The following TSC2 variants were observed in gnomAD, a reference collection of about 807,000 sequenced individuals.
TSC2 encodes tuberin.
Under a neutral mutation model 202.2 loss-of-function variants are expected in TSC2, and 29 were observed. That is an observed-to-expected ratio of 0.14 (90% CI 0.11 to 0.20). TSC2 has a LOEUF of 0.20. Among genes scored for constraint, TSC2 ranks in the 10% least tolerant of loss-of-function variants. TSC2 has a pLI of 1.00. For missense variants in TSC2, 2,429 were observed against 2,420.0 expected (o/e 1.00, Z -0.08); for synonymous variants, 1,349 against 1,044.0 (o/e 1.29, Z -5.63).
At chr16:2,065,998 G>C (rs1596319220) in intron 16 of TSC2, among the ~76,000 whole-genome samples, 1 of 152,180 alleles carries the variant, frequency 6.6e-6, no homozygotes, top group African/African-American at 2.4e-5. Context: ...GTTTTGTTGA[G>C]ATTTAATTTA....
In TSC2 at chr16:2,074,216, G is replaced by T. The variant is rs758961134; in HGVS notation, c.2372G>T (p.Cys791Phe). Residue 791 changes from cysteine (C) to phenylalanine (F), a missense_variant, in exon 22 of 42, where the codon TGC becomes TTC. Cys to Phe is a radical substitution (Grantham distance 205). Coordinates refer to ENST00000219476, the MANE Select transcript of TSC2 (RefSeq NM_000548.5). The stretch of plus-strand genomic sequence containing the variant: ...CTCCTGCAGCGCGAGATGGTCTACT[G>T]CCTGGAGCAGGGCCTCATCCACCGC... ...DKTKQREMVY[C>F]LEQGLIHRCA... The T allele has an allele frequency of 1.2e-6, 2 of 1,611,610 alleles. No individual in the cohort carries two copies. Among genetic ancestry groups the T allele is most frequent in the African/African-American group, 1.3e-5 (1 of 74,902 alleles).
chr16:2,058,139 CCCTCCCT>C (rs1280764365), intron 9 of TSC2, among the ~76,000 whole-genome samples: 1 of 149,902 alleles, frequency 6.7e-6, no homozygotes, highest in Non-Finnish European at 1.5e-5. Flanking sequence ...CTGCATCTCT[CCCTCCCT>C]CCTCCCGTAG....
intron 22 of TSC2, 72 bp downstream of exon 22, chr16:2,074,461 G>C (rs2151358952): frequency 6.3e-7 from 1 of 1,575,734 alleles, no homozygotes; most frequent in East Asian, 2.3e-5. Context: ...CTTCTCTGGT[G>C]CCCTCTCTCA....
rs2151281861 is a variant in TSC2 at position 2,070,564 on chromosome 16, A to G, written c.1825A>G (p.Ser609Gly). Residue 609 changes from serine (S) to glycine (G), a missense_variant, in exon 17 of 42, where the codon AGC (serine) becomes GGC (glycine). Coordinates refer to ENST00000219476, the MANE Select transcript of TSC2 (RefSeq NM_000548.5). ...CAGCTACACCCTGCCAATCGCGAGC[A>G]GCATCCGGCTGCAGGTATGGTGGCT... ...KHSYTLPIAS[S>G]IRLQAFDFLL... The G allele has an allele frequency of 6.2e-7, 1 of 1,613,166 alleles. No individual in the cohort carries two copies. Among genetic ancestry groups the G allele is most frequent in the East Asian group, 2.2e-5 (1 of 44,884 alleles).
intron 25 of TSC2, 66 bp from the exon 26 acceptor site, chr16:2,077,532 G>A: frequency 6.2e-7 from 1 of 1,609,102 alleles, no homozygotes; most frequent in South Asian, 1.1e-5. Flanking sequence ...CCCCTCCACT[G>A]GCTTGTTCTC....
rs771537061 is a variant in TSC2, at chr16:2,056,626, C to T, written c.649-18C>T. 24 of 1,607,466 alleles carry T rather than the reference C, an allele frequency of 1.5e-5. No individual in the cohort carries two copies. The Middle Eastern group carries it at 1.4e-3, about 92-fold the overall frequency. ...GAGCTGGGGTAGGACGGGCGTGAGC[C>T]GTCTCCCTCTCCACCAGGTCTCCCT... On this transcript the variant is annotated intron_variant, in intron 7 of 41. Transcript: ENST00000219476.
At position 2,055,901 on chromosome 16, in the gene TSC2, A is replaced by AT. The variant is rs993998151; in HGVS notation, c.600-295_600-294insT. ...GCAAAACTCCATCTCAAAAAAAAAA[A>AT]AAAAAAAAGAGAAGTACGTAGCTAT... is the stretch of plus-strand genomic sequence containing the variant. On this transcript the variant is annotated intron_variant, in intron 6 of 41. Coordinates refer to ENST00000219476, the MANE Select transcript of TSC2 (RefSeq NM_000548.5). 69 of 515,188 alleles carry AT rather than the reference A, an allele frequency of 1.3e-4. 2 individuals carry two copies. The highest frequency in any genetic ancestry group is 2.0e-4 in the Non-Finnish European group (58 of 285,660). The allele number at this position is 515,188 out of a possible 1,614,324, so 31.9% of individuals were successfully genotyped here.
chr16:2,081,530 T>TG lies in TSC2; in HGVS notation c.3611-59dup, dbSNP rs1372031034. Reference sequence around the variant, plus strand: ...ACCAGGGCCCAGGCCAGGAGGCCCCTGGGGGGCCAGAGATGGGTAAGGGGA... The same window carrying TG: ...ACCAGGGCCCAGGCCAGGAGGCCCCTGGGGGGGCCAGAGATGGGTAAGGGGA... On this transcript the variant is annotated intron_variant, in intron 30 of 41. Coordinates refer to ENST00000219476, the MANE Select transcript of TSC2 (RefSeq NM_000548.5). 60 of 1,599,608 alleles carry TG rather than the reference T, an allele frequency of 3.8e-5. No individual in the cohort carries two copies. In the South Asian group the frequency reaches 5.3e-4, roughly 14 times the overall value.
intron 22 of TSC2, among the ~76,000 whole-genome samples, chr16:2,075,525 C>CAAAAAAA (rs933350142): frequency 0.013 from 344 of 27,282 alleles, 28 homozygotes; most frequent in African/African-American, 0.032. Flanking sequence ...AGACTCATCT[C>CAAAAAAA]AAAAAAAAAA....
At position 2,056,183 on chromosome 16, in the gene TSC2, G is replaced by C. The variant is rs45517116; in HGVS notation, c.600-13G>C. On this transcript the variant is annotated splice_polypyrimidine_tract_variant and intron_variant, in intron 6 of 41. Coordinates refer to ENST00000219476, the MANE Select transcript of TSC2 (RefSeq NM_000548.5). Reference sequence around the variant, plus strand: ...GGCAGTGCTGCCGGGACTGAGCTCGGTGCTCCCTGCAGGATGATCTGTCTG... The same window carrying C: ...GGCAGTGCTGCCGGGACTGAGCTCGCTGCTCCCTGCAGGATGATCTGTCTG... 38 of 1,613,714 alleles carry C rather than the reference G, an allele frequency of 2.4e-5. No individual in the cohort carries two copies. The highest frequency in any genetic ancestry group is 3.2e-5 in the Non-Finnish European group (38 of 1,180,048).
chr16:2,056,688 G>A lies in TSC2; in HGVS notation c.693G>A (p.Leu231=), dbSNP rs764417359. The A allele has an allele frequency of 3.7e-6, 6 of 1,612,468 alleles. No individual in the cohort carries two copies. In the South Asian group the frequency reaches 5.5e-5, roughly 15 times the overall value. The change falls in exon 8 of 42, where the codon CTG becomes CTA. Residue 231 remains leucine (L), a synonymous_variant. Transcript: ENST00000219476. ...ACGCCGTGGTCTGCTACAACTGCCT[G>A]CCGGCTGAGAGCCTCCCGCTGTTCA... ...VLDAVVCYNC[L]PAESLPLFIV...
intron 30 of TSC2, chr16:2,081,119 C>T (rs1409199018): frequency 7.7e-6 from 2 of 258,822 alleles, no homozygotes; most frequent in African/African-American, 4.4e-5. Flanking sequence ...AACCCAGTCT[C>T]CAGAGACAGT....
chr16:2,076,310 G>C (rs2089358640), intron 24 of TSC2, 140 bp downstream of exon 24: 1 of 1,558,786 alleles, frequency 6.4e-7, no homozygotes. Context: ...GGCGCTGGGG[G>C]CTCTGCTGGG....
chr16:2,053,310 A>G lies in TSC2; in HGVS notation c.226-32A>G, dbSNP rs137854185. On this transcript the variant is annotated intron_variant, in intron 3 of 41. Transcript: ENST00000219476. ...CGGGGCCAGGGTTCTTGGAGAGCAC[A>G]TCCTCACCGCTGTCCCCTCTGCTGG... 4 of 1,552,114 alleles carry G rather than the reference A, an allele frequency of 2.6e-6. No homozygotes were observed. Among genetic ancestry groups the G allele is most frequent in the African/African-American group, 1.4e-5 (1 of 73,366 alleles).
chr16:2,048,040 C>G lies in TSC2; in HGVS notation c.-55C>G, dbSNP rs1011263395. 5.6e-6 allele frequency: 8 copies of G among 1,429,914 alleles called. No individual in the cohort carries two copies. Among genetic ancestry groups the G allele is most frequent in the South Asian group, 1.5e-5 (1 of 66,928 alleles). The allele number at this position is 1,429,914 out of a possible 1,614,324, so 88.6% of individuals were successfully genotyped here. ...TGCGCCTTTCTCCGCGTCGGGGCGG[C>G]CCGGAGCGCGGTGGCGCGGCGCGGG... is the stretch of plus-strand genomic sequence containing the variant. On this transcript the variant is annotated 5_prime_UTR_variant, in exon 1 of 42. Coordinates refer to ENST00000219476, the MANE Select transcript of TSC2 (RefSeq NM_000548.5).
Position 2,085,022 on chromosome 16 carries a change from A to G in TSC2, c.4565A>G (p.Asn1522Ser), listed in dbSNP as rs144062721. Reference protein sequence around the residue: ...DESNKPILLPNESQSFERSVQ... With the variant: ...DESNKPILLPSESQSFERSVQ... The stretch of plus-strand genomic sequence containing the variant: ...TCAAACAAGCCAATCCTGCTGCCCA[A>G]TGAGGTAGGCGTGGCCTCCCTCTCC... Residue 1522 changes from asparagine to serine, a missense_variant, in exon 35 of 42, where the codon AAT (asparagine) becomes AGT (serine). By Grantham distance (46) the Asn-to-Ser change is conservative. Coordinates refer to ENST00000219476, the MANE Select transcript of TSC2 (RefSeq NM_000548.5). The G allele has an allele frequency of 4.6e-5, 74 of 1,613,136 alleles. No individual in the cohort carries two copies. Among genetic ancestry groups the G allele is most frequent in the African/African-American group, 1.9e-4 (14 of 74,924 alleles).
At chr16:2,064,050 G>A in intron 14 of TSC2, 1 of 680,970 alleles carries the variant, frequency 1.5e-6, no homozygotes, top group Non-Finnish European at 2.6e-6. Context: ...CCGCCCTGCG[G>A]TGCTCACCAG....
At chr16:2,058,199 C>T (rs2086141703) in intron 9 of TSC2, among the ~76,000 whole-genome samples, 1 of 152,028 alleles carries the variant, frequency 6.6e-6, no homozygotes, top group Non-Finnish European at 1.5e-5. Context: ...CTGCATCTCT[C>T]CCAGCCCTGC....
intron 9 of TSC2, among the ~76,000 whole-genome samples, chr16:2,057,416 C>T (rs1040860910): frequency 3.9e-5 from 6 of 152,184 alleles, no homozygotes; most frequent in African/African-American, 9.7e-5. Flanking sequence ...CATGCTCGGA[C>T]GTCCTCCAGC....
Sources: gnomAD v4.1 joint callset for allele counts (sites outside exome capture counted in the v4.1 genomes callset) on GRCh38, gnomAD v4.1.1 for gene constraint, MANE v1.5 for transcripts, NCBI Gene and HGNC (gene_info 2026-07-23, HGNC 2026-07-21) for gene names.